TMEM131L: variants seen among roughly 807,000 people sequenced by gnomAD.
The protein encoded by TMEM131L is transmembrane 131 like, also known as transmembrane protein 131-like.
TMEM131L carries 54 observed loss-of-function variants against 192.2 expected under a neutral mutation model. The ratio of observed to expected loss-of-function variants is 0.28; its 90% CI spans 0.23 to 0.35. TMEM131L has a LOEUF of 0.35. Ranked by LOEUF, TMEM131L falls within the 10% of genes least tolerant of loss-of-function variation. The pLI, the probability that TMEM131L is intolerant of heterozygous loss-of-function variation, is 1.00. For missense variants in TMEM131L, 1,888 were observed against 1,972.9 expected (o/e 0.96, Z 0.82); for synonymous variants, 701 against 704.9 (o/e 0.99, Z 0.09).
At chr4:153,569,317 CT>C (rs1729428428) in intron 7 of TMEM131L, among the ~76,000 whole-genome samples, 1 of 152,160 alleles carries the variant, frequency 6.6e-6, no homozygotes, top group Non-Finnish European at 1.5e-5. Context: ...CCCCTGATTT[CT>C]TTGTTGACCC....
intron 3 of TMEM131L, among the ~76,000 whole-genome samples, chr4:153,541,628 T>G (rs1736785812): frequency 6.6e-6 from 1 of 151,848 alleles, no homozygotes. Context: ...CTCAGCAGAG[T>G]CTAGGCCACA....
intron 4 of TMEM131L, among the ~76,000 whole-genome samples, chr4:153,554,562 C>T (rs561529345): frequency 2.0e-5 from 3 of 152,240 alleles, no homozygotes; most frequent in African/African-American, 7.2e-5. Flanking sequence ...TTTTTAATAT[C>T]AAAGATTTTA....
intron 3 of TMEM131L, among the ~76,000 whole-genome samples, chr4:153,491,548 C>T (rs1732780492): frequency 2.0e-5 from 3 of 151,800 alleles, no homozygotes; most frequent in South Asian, 2.1e-4. Context: ...TGTTTAGGGA[C>T]AATTTAAACT....
chr4:153,534,426 A>G (rs1269677109), intron 3 of TMEM131L, among the ~76,000 whole-genome samples: 1 of 151,700 alleles, frequency 6.6e-6, no homozygotes, highest in Non-Finnish European at 1.5e-5. Flanking sequence ...GAGGTGGAGG[A>G]TTTATTTTTA....
At chr4:153,592,704 G>C (rs893628) in intron 18 of TMEM131L, 120 bp downstream of exon 18, 245,146 of 707,058 alleles carry the variant, frequency 0.35, 44,611 homozygotes, top group African/African-American at 0.53. Flanking sequence ...AGTATTAACC[G>C]ATTAGCTCAT....
chr4:153,527,626 G>A (rs1192871460), intron 3 of TMEM131L, among the ~76,000 whole-genome samples: 2 of 152,188 alleles, frequency 1.3e-5, no homozygotes, highest in Non-Finnish European at 2.9e-5. Context: ...AATCAGGCAA[G>A]TGTATGTGAC....
intron 3 of TMEM131L, among the ~76,000 whole-genome samples, chr4:153,498,403 G>T (rs556196408): frequency 3.3e-5 from 5 of 152,302 alleles, no homozygotes; most frequent in Admixed American, 6.5e-5. Context: ...TTCCCAGCTC[G>T]CTATTTAATT....
intron 7 of TMEM131L, among the ~76,000 whole-genome samples, chr4:153,578,551 C>T (rs1428546611): frequency 3.5e-5 from 5 of 143,610 alleles, no homozygotes; most frequent in South Asian, 2.2e-4. Flanking sequence ...GACGGAGTCT[C>T]GTTCTGTCGC....
At position 153,537,948 on chromosome 4, in the gene TMEM131L, T is replaced by C. The variant is rs150604131; in HGVS notation, c.240-12125T>C. Among the ~76,000 whole-genome samples the C allele has an allele frequency of 3.3e-3, 506 of 152,298 alleles. 5 individuals are homozygous for C. The highest frequency in any genetic ancestry group is 0.012 in the African/African-American group (478 of 41,560). Reference sequence around the variant, plus strand: ...CAAGATGCAACTTTCCCTGATTTTTTCTCTTCTGATTTTGCAAGAACTCTG... The same window carrying C: ...CAAGATGCAACTTTCCCTGATTTTTCCTCTTCTGATTTTGCAAGAACTCTG... On this transcript the variant is annotated intron_variant, in intron 3 of 34. Coordinates refer to ENST00000409959, the MANE Select transcript of TMEM131L (RefSeq NM_001131007.2).
intron 3 of TMEM131L, among the ~76,000 whole-genome samples, chr4:153,533,683 G>A (rs1265367748): frequency 6.6e-6 from 1 of 152,170 alleles, no homozygotes; most frequent in Non-Finnish European, 1.5e-5. Context: ...TCCTGTTTGA[G>A]CATGATCCAC....
rs1448512176 is a variant in TMEM131L at position 153,466,486 on chromosome 4, T to C, written c.89T>C (p.Leu30Pro). ...CTGCTGGGCGTCTTCCAGGTCCTGCTGCCCTGCTGTCGCCCGGGAGGGGCT... is the reference window on the plus strand; with the variant it reads ...CTGCTGGGCGTCTTCCAGGTCCTGCCGCCCTGCTGTCGCCCGGGAGGGGCT... ...NLLLGVFQVLLPCCRPGGAQG... is the reference protein window; with the variant it reads ...NLLLGVFQVLPPCCRPGGAQG... Residue 30 changes from leucine to proline, a missense_variant, in exon 1 of 35, where the codon CTG (leucine) becomes CCG (proline). By Grantham distance (98) the Leu-to-Pro change is moderately conservative. Transcript: ENST00000409959. The C allele has an allele frequency of 4.2e-6, 6 of 1,415,106 alleles. No homozygotes were observed. Among genetic ancestry groups the C allele is most frequent in the Non-Finnish European group, 4.6e-6 (5 of 1,075,672 alleles). 87.7% of individuals were successfully genotyped at this position (1,415,106 alleles called of 1,614,324 possible).
At chr4:153,485,640 T>G (rs1732277774) in intron 3 of TMEM131L, among the ~76,000 whole-genome samples, 1 of 152,216 alleles carries the variant, frequency 6.6e-6, no homozygotes, top group African/African-American at 2.4e-5. Flanking sequence ...TTATTTACAG[T>G]AAAGGTTCTG....
At chr4:153,593,731 C>A in intron 18 of TMEM131L, 68 bp from the exon 19 acceptor site, 1 of 1,010,598 alleles carries the variant, frequency 9.9e-7, no homozygotes, top group Non-Finnish European at 1.6e-6. Context: ...TATGTGCACA[C>A]ACTTATTAAA....
chr4:153,470,071 AACTT>A (rs1362355123), intron 2 of TMEM131L, among the ~76,000 whole-genome samples: 1 of 151,922 alleles, frequency 6.6e-6, no homozygotes, highest in African/African-American at 2.4e-5. Context: ...GATCAAGACT[AACTT>A]ACTATTAGTA....
chr4:153,596,466 C>T (rs1578829739), intron 20 of TMEM131L, 81 bp downstream of exon 20: 1 of 1,525,152 alleles, frequency 6.6e-7, no homozygotes, highest in East Asian at 2.3e-5. Context: ...AGTTGACGTT[C>T]ACTTCTCAGT....
At position 153,557,062 on chromosome 4, in the gene TMEM131L, T is replaced by C. The variant is rs1728518580; in HGVS notation, c.529T>C (p.Tyr177His). Residue 177 changes from tyrosine to histidine, a missense_variant, in exon 6 of 35, where the codon TAT (tyrosine) becomes CAT (histidine). Tyr to His is a moderately conservative substitution (Grantham distance 83). Coordinates refer to ENST00000409959, the MANE Select transcript of TMEM131L (RefSeq NM_001131007.2). Reference protein sequence around the residue: ...ESSLFINTSSYGVLSYHVSGI... With the variant: ...ESSLFINTSSHGVLSYHVSGI... The stretch of plus-strand genomic sequence containing the variant: ...TTCCTTATTTATTAATACCTCTTCG[T>C]ATGGAGTCCTTTCCTATCATGTGAG... 4 of 1,515,946 alleles carry C rather than the reference T, an allele frequency of 2.6e-6. No homozygotes were observed. Among genetic ancestry groups the C allele is most frequent in the Non-Finnish European group, 3.7e-6 (4 of 1,093,030 alleles). 93.9% of individuals were successfully genotyped at this position (1,515,946 alleles called of 1,614,324 possible).
rs572284535 is a variant in TMEM131L at position 153,549,701 on chromosome 4, A to T, written c.240-372A>T. ...TGTTATAAGAAGTCTTAACAAAGTCAGAGGCCACAGTCCCCCAGGCCAACT... is the reference window on the plus strand; with the variant it reads ...TGTTATAAGAAGTCTTAACAAAGTCTGAGGCCACAGTCCCCCAGGCCAACT... On this transcript the variant is annotated intron_variant, in intron 3 of 34. Coordinates refer to ENST00000409959, the MANE Select transcript of TMEM131L (RefSeq NM_001131007.2). Among the ~76,000 whole-genome samples the T allele has an allele frequency of 1.2e-4, 18 of 152,356 alleles. 1 individual carries two copies. In the South Asian group the frequency reaches 3.5e-3, roughly 30 times the overall value.
intron 29 of TMEM131L, among the ~76,000 whole-genome samples, chr4:153,625,275 G>A (rs1733754002): frequency 6.6e-6 from 1 of 152,090 alleles, no homozygotes; most frequent in African/African-American, 2.4e-5. Context: ...GCTGGGCGTG[G>A]TGACGAGCGC....
Position 153,620,897 on chromosome 4 carries a change from A to C in TMEM131L, c.3692+17A>C, listed in dbSNP as rs768851341. 29 of 1,564,154 alleles carry C rather than the reference A, an allele frequency of 1.9e-5. 1 individual carries two copies. Among genetic ancestry groups the C allele is most frequent in the Non-Finnish European group, 2.5e-5 (29 of 1,161,960 alleles). On this transcript the variant is annotated intron_variant, in intron 27 of 34. Coordinates refer to ENST00000409959, the MANE Select transcript of TMEM131L (RefSeq NM_001131007.2). ...AGTCTCAAGGTGCGTAATTCTTACT[A>C]TCTCTAATATTTTGATCTATTTTTC...
Sources: allele counts gnomAD v4.1 joint callset (sites outside exome capture counted in the v4.1 genomes callset), GRCh38; gene constraint gnomAD v4.1.1; transcripts MANE v1.5; gene names NCBI Gene and HGNC (gene_info 2026-07-23, HGNC 2026-07-21).